Variants in PITPNM2 observed in about 807,000 individuals in gnomAD.
PITPNM2 encodes the protein membrane-associated phosphatidylinositol transfer protein 2.
Under a neutral mutation model 132.2 loss-of-function variants are expected in PITPNM2, and 35 were observed. The observed-to-expected ratio is 0.26, with a 90% CI of 0.20 to 0.35. The LOEUF (loss-of-function observed/expected upper bound fraction) is 0.35. Among genes scored for constraint, PITPNM2 ranks in the 10% least tolerant of loss-of-function variants. The pLI is 1.00. For synonymous variants in PITPNM2, 738 were observed against 799.2 expected (o/e 0.92, Z 1.29); for missense variants, 1,332 against 1,912.0 (o/e 0.70, Z 5.66).
At chr12:123,006,276 CCTTTT>C (rs2136203759) in intron 6 of PITPNM2, among the ~76,000 whole-genome samples, 1 of 151,938 alleles carries the variant, frequency 6.6e-6, no homozygotes, top group Admixed American at 6.6e-5. Context: ...GGTTGGTTCT[CCTTTT>C]CTTTTGTTTT....
chr12:123,049,130 T>A (rs1006964967), intron 2 of PITPNM2, among the ~76,000 whole-genome samples: 1 of 150,912 alleles, frequency 6.6e-6, no homozygotes, highest in Non-Finnish European at 1.5e-5. Flanking sequence ...CAAGACCCTG[T>A]CTCTAAAACA....
At chr12:123,120,834 C>A (rs998735749) in intron 1 of PITPNM2, among the ~76,000 whole-genome samples, 3 of 152,214 alleles carry the variant, frequency 2.0e-5, no homozygotes, top group African/African-American at 7.2e-5. Flanking sequence ...GCTCTGCTCA[C>A]CTGCTCTTTT....
At chr12:123,048,024 G>GGGA (rs1482715784) in intron 2 of PITPNM2, among the ~76,000 whole-genome samples, 1 of 151,892 alleles carries the variant, frequency 6.6e-6, no homozygotes, top group Non-Finnish European at 1.5e-5. Flanking sequence ...ACTTGAACCT[G>GGGA]GGAGGTGGAG....
chr12:123,071,683 T>C (rs1229538252), intron 2 of PITPNM2, among the ~76,000 whole-genome samples: 2 of 152,228 alleles, frequency 1.3e-5, no homozygotes, highest in Admixed American at 6.5e-5. Context: ...AAGACGATCA[T>C]CCGCTTCACA....
chr12:123,063,346 G>A (rs1037033131), intron 2 of PITPNM2, among the ~76,000 whole-genome samples: 1 of 152,378 alleles, frequency 6.6e-6, no homozygotes, highest in East Asian at 1.9e-4. Flanking sequence ...CTGCGCCCCT[G>A]GCTGGGCTGC....
At chr12:123,070,838 G>A (rs142703907) in intron 2 of PITPNM2, among the ~76,000 whole-genome samples, 2 of 152,306 alleles carry the variant, frequency 1.3e-5, no homozygotes, top group African/African-American at 4.8e-5. Flanking sequence ...ATGCCCCTTC[G>A]CGCATCTGCC....
intron 2 of PITPNM2, among the ~76,000 whole-genome samples, chr12:123,049,906 C>CA (rs1331638016): frequency 6.6e-6 from 1 of 152,198 alleles, no homozygotes; most frequent in Non-Finnish European, 1.5e-5. Flanking sequence ...CAAATGTTCA[C>CA]AAAAAAACCC....
intron 3 of PITPNM2, 195 bp downstream of exon 3, chr12:123,034,318 G>A (rs539554543): frequency 1.5e-4 from 79 of 541,616 alleles, no homozygotes; most frequent in Non-Finnish European, 2.4e-4. Flanking sequence ...ATCTGATGCC[G>A]TGCGCCCATG....
At chr12:122,995,320 G>C in intron 14 of PITPNM2, 69 bp downstream of exon 14, 1 of 1,518,148 alleles carries the variant, frequency 6.6e-7, no homozygotes, top group Non-Finnish European at 8.8e-7. Flanking sequence ...CCATCACAGG[G>C]GATGTTCCTC....
At chr12:123,065,971 G>A (rs78339445) in intron 2 of PITPNM2, among the ~76,000 whole-genome samples, 44 of 152,344 alleles carry the variant, frequency 2.9e-4, no homozygotes, top group Non-Finnish European at 6.0e-4. Flanking sequence ...TGGAGACGTG[G>A]GGCAGAGACT....
intron 1 of PITPNM2, among the ~76,000 whole-genome samples, chr12:123,125,864 G>GTTTTTTTTTTTTTTTT (rs373787897): frequency 1.5e-5 from 1 of 64,844 alleles, no homozygotes; most frequent in Non-Finnish European, 2.7e-5. Flanking sequence ...AAAAATTAGG[G>GTTTTTTTTTTTTTTTT]TTTTTTTTTT....
chr12:123,113,254 A>G (rs1366017593), intron 1 of PITPNM2, among the ~76,000 whole-genome samples: 3 of 152,214 alleles, frequency 2.0e-5, no homozygotes, highest in African/African-American at 7.2e-5. Context: ...GCAGGTGGCT[A>G]AGGAATGGGT....
At position 123,150,966 on chromosome 12, in the gene PITPNM2, T is replaced by C. The variant is rs980302241; in HGVS notation, c.-413A>G. ...AGGCGGGCGGCGGCGGCGCACGTGCTGGCGGGCGGCTCTCGCTGAGGCGGC... is the reference window on the plus strand; with the variant it reads ...AGGCGGGCGGCGGCGGCGCACGTGCCGGCGGGCGGCTCTCGCTGAGGCGGC... On this transcript the variant is annotated 5_prime_UTR_variant, in exon 1 of 26. Coordinates refer to ENST00000320201, the MANE Select transcript of PITPNM2 (RefSeq NM_020845.3). The surrounding 1 kb of genome is among the most constrained non-coding windows in gnomAD (Gnocchi z 6.0). Among the ~76,000 whole-genome samples the C allele has an allele frequency of 7.1e-6, 1 of 140,410 alleles. No individual in the cohort carries two copies. The highest frequency in any genetic ancestry group is 2.6e-5 in the African/African-American group (1 of 39,036). The allele number at this position is 140,410 out of a possible 152,430, so 92.1% of individuals were successfully genotyped here. A position where few individuals can be genotyped will look rare whatever the true frequency, so the allele number is the denominator to read the frequency against.
At chr12:123,016,361 G>A (rs1202658083) in intron 3 of PITPNM2, among the ~76,000 whole-genome samples, 1 of 150,660 alleles carries the variant, frequency 6.6e-6, no homozygotes, top group Non-Finnish European at 1.5e-5. Flanking sequence ...CTGTCACCAG[G>A]CTGGAGTGCA....
intron 18 of PITPNM2, 98 bp from the exon 19 acceptor site, chr12:122,988,970 TCCC>T: frequency 1.5e-6 from 2 of 1,295,750 alleles, no homozygotes; most frequent in Non-Finnish European, 2.0e-6. Flanking sequence ...CCCAGCACAG[TCCC>T]CCCACCAGCT....
chr12:123,013,283 G>T (rs1233122654), intron 4 of PITPNM2, among the ~76,000 whole-genome samples: 1 of 152,238 alleles, frequency 6.6e-6, no homozygotes, highest in African/African-American at 2.4e-5. Context: ...TAGACAGCTT[G>T]TGGGACCAGC....
At chr12:123,141,954 C>T (rs972326314) in intron 1 of PITPNM2, among the ~76,000 whole-genome samples, 2 of 152,228 alleles carry the variant, frequency 1.3e-5, no homozygotes, top group Non-Finnish European at 2.9e-5. Flanking sequence ...TTTATCCCCC[C>T]TGCTGGAAAG....
Position 123,000,966 on chromosome 12 carries a change from G to A in PITPNM2, c.1153+88C>T. On this transcript the variant is annotated intron_variant, in intron 9 of 25. Transcript: ENST00000320201. The surrounding 1 kb of genome is among the most constrained non-coding windows in gnomAD (Gnocchi z 5.4). Reference sequence around the variant, plus strand: ...GGTCCCCAACTCACATGTATGCCCAGCACTGTGCAGAAGCTGGTCAGAAAG... The same window carrying A: ...GGTCCCCAACTCACATGTATGCCCAACACTGTGCAGAAGCTGGTCAGAAAG... 1 of 1,527,308 alleles carries A rather than the reference G, an allele frequency of 6.5e-7. No homozygotes were observed. 94.6% of individuals were successfully genotyped at this position (1,527,308 alleles called of 1,614,324 possible).
In PITPNM2 at chr12:122,984,480, AG is replaced by A. The variant is rs1479942207; in HGVS notation, c.*1546del. ...ATACATAATGCCTGAAACAACAAAA[AG>A]CTACATCTTAAATATGAATAAACCC... On this transcript the variant is annotated 3_prime_UTR_variant, in exon 26 of 26. Coordinates refer to ENST00000320201, the MANE Select transcript of PITPNM2 (RefSeq NM_020845.3). 6.6e-6 allele frequency: 1 copy of A among 152,566 alleles called. No individual in the cohort carries two copies. 9.5% of individuals were successfully genotyped at this position (152,566 alleles called of 1,614,324 possible).
Sources: gnomAD v4.1 joint callset for allele counts (sites outside exome capture counted in the v4.1 genomes callset) on GRCh38, gnomAD v4.1.1 for gene constraint, Gnocchi (gnomAD v3.1) non-coding constraint, MANE v1.5 for transcripts, NCBI Gene and HGNC (gene_info 2026-07-23, HGNC 2026-07-21) for gene names.